UBA6: variants seen among roughly 807,000 people sequenced by gnomAD.
UBA6 encodes the protein ubiquitin like modifier activating enzyme 6.
UBA6 carries 87 observed loss-of-function variants against 148.3 expected under a neutral mutation model. The observed-to-expected ratio is 0.59, with a 90% CI of 0.49 to 0.70. UBA6 has a LOEUF of 0.70. Among genes scored for constraint, UBA6 ranks in the 30% least tolerant of loss-of-function variants. UBA6 has a pLI of 0.00. For missense variants in UBA6, 1,186 were observed against 1,241.2 expected (o/e 0.96, Z 0.67); for synonymous variants, 376 against 401.0 (o/e 0.94, Z 0.75).
chr4:67,669,800 C>A (rs1263149406), intron 8 of UBA6, among the ~76,000 whole-genome samples: 1 of 152,150 alleles, frequency 6.6e-6, no homozygotes, highest in East Asian at 1.9e-4. Flanking sequence ...AGGTGACTTA[C>A]AACATACTTA....
intron 18 of UBA6, among the ~76,000 whole-genome samples, chr4:67,639,664 C>T (rs1333038032): frequency 6.6e-6 from 1 of 152,038 alleles, no homozygotes; most frequent in East Asian, 1.9e-4. Context: ...TCCACAACCC[C>T]CCAAAATGCC....
chr4:67,669,522 A>C (rs188773493), intron 8 of UBA6, among the ~76,000 whole-genome samples: 1 of 152,204 alleles, frequency 6.6e-6, no homozygotes, highest in Non-Finnish European at 1.5e-5. Flanking sequence ...TTGGACTTCA[A>C]TGTAAGTTGA....
intron 11 of UBA6, 186 bp from the exon 12 acceptor site, chr4:67,663,401 A>AT (rs1486958499): frequency 6.4e-6 from 3 of 465,310 alleles, no homozygotes; most frequent in Admixed American, 7.1e-5. Context: ...CCTCAAGGCC[A>AT]TGAAGGTAAA....
chr4:67,626,503 TTAA>T, intron 27 of UBA6, 26 bp from the exon 28 acceptor site: 1 of 1,380,274 alleles, frequency 7.2e-7, no homozygotes, highest in South Asian at 1.3e-5. Flanking sequence ...TATATTTTTA[TTAA>T]TGTTATCATT....
intron 11 of UBA6, chr4:67,663,603 G>T: frequency 2.3e-6 from 1 of 441,162 alleles, no homozygotes; most frequent in East Asian, 3.7e-5. Context: ...GATCATCTTT[G>T]TACAAGTTAT....
Position 67,624,088 on chromosome 4 carries a change from A to C in UBA6, c.2840+38T>G, listed in dbSNP as rs543876835. On this transcript the variant is annotated intron_variant, in intron 30 of 32. Coordinates refer to ENST00000322244, the MANE Select transcript of UBA6 (RefSeq NM_018227.6). Reference sequence around the variant, plus strand: ...TTTAAAAGGTAAAATATTTTATTTCATTCTCATTATACAAGAGAAATAGAC... The same window carrying C: ...TTTAAAAGGTAAAATATTTTATTTCCTTCTCATTATACAAGAGAAATAGAC... 1.2e-5 allele frequency: 18 copies of C among 1,454,320 alleles called. 1 individual carries two copies. The South Asian group carries it at 2.1e-4, about 17-fold the overall frequency. The allele number at this position is 1,454,320 out of a possible 1,614,324, so 90.1% of individuals were successfully genotyped here.
At chr4:67,623,992 T>A (rs1326690241) in intron 30 of UBA6, 134 bp downstream of exon 30, 3 of 655,382 alleles carry the variant, frequency 4.6e-6, no homozygotes, top group African/African-American at 3.8e-5. Flanking sequence ...TTTGAGCTGA[T>A]CTTGAAGTGA....
chr4:67,666,633 T>C (rs1269436489), intron 9 of UBA6, among the ~76,000 whole-genome samples: 1 of 152,138 alleles, frequency 6.6e-6, no homozygotes, highest in Non-Finnish European at 1.5e-5. Flanking sequence ...GCCAACACTT[T>C]GGGCAGCCAA....
At chr4:67,649,813 T>C (rs1729509573) in intron 13 of UBA6, among the ~76,000 whole-genome samples, 1 of 152,172 alleles carries the variant, frequency 6.6e-6, no homozygotes, top group African/African-American at 2.4e-5. Flanking sequence ...AGCAATTTCT[T>C]ATATGTGACA....
Position 67,625,129 on chromosome 4 carries a change from T to C in UBA6, c.2577A>G (p.Ile859Met). The C allele has an allele frequency of 6.2e-7, 1 of 1,613,298 alleles. No homozygotes were observed. Among genetic ancestry groups the C allele is most frequent in the Non-Finnish European group, 8.5e-7 (1 of 1,179,460 alleles). Residue 859 changes from isoleucine (I) to methionine (M), a missense_variant, in exon 29 of 33, where the codon ATA becomes ATG. Coordinates refer to ENST00000322244, the MANE Select transcript of UBA6 (RefSeq NM_018227.6). ...FEKDDDHNGHIDFITAASNLR... is the reference protein window; with the variant it reads ...FEKDDDHNGHMDFITAASNLR... ...GATTTGATGCAGCTGTGATGAAATC[T>C]ATGTGTCCATTATGATCATCATCTT...
intron 13 of UBA6, among the ~76,000 whole-genome samples, chr4:67,658,899 G>C (rs1433940699): frequency 6.6e-6 from 1 of 152,082 alleles, no homozygotes; most frequent in Non-Finnish European, 1.5e-5. Flanking sequence ...TTTGCATTAC[G>C]GAATGGTTTA....
chr4:67,621,100 C>T (rs1728740675), intron 32 of UBA6, among the ~76,000 whole-genome samples: 1 of 152,146 alleles, frequency 6.6e-6, no homozygotes, highest in Admixed American at 6.5e-5. Flanking sequence ...CTCCACTAGT[C>T]AATACACTTT....
chr4:67,678,445 CTCT>C lies in UBA6; in HGVS notation c.344_346del (p.Lys115del). 6.3e-7 allele frequency: 1 copy of C among 1,577,316 alleles called. No individual in the cohort carries two copies. The highest frequency in any genetic ancestry group is 1.2e-5 in the South Asian group (1 of 84,540). ...TACATCAAAATATCTTTACCTGTTTCTCTTATTAACAACATCATCTTCACTGAG... is the reference window on the plus strand; with the variant it reads ...TACATCAAAATATCTTTACCTGTTTCTATTAACAACATCATCTTCACTGAG... On this transcript the variant is annotated inframe_deletion, in exon 5 of 33. Transcript: ENST00000322244.
At chr4:67,696,945 G>A (rs1730854601) in intron 1 of UBA6, among the ~76,000 whole-genome samples, 1 of 152,070 alleles carries the variant, frequency 6.6e-6, no homozygotes, top group Non-Finnish European at 1.5e-5. Context: ...GATCTCAGGT[G>A]TTGTTTTATC....
At chr4:67,697,101 T>C (rs1030312139) in intron 1 of UBA6, among the ~76,000 whole-genome samples, 3 of 152,060 alleles carry the variant, frequency 2.0e-5, no homozygotes, top group Non-Finnish European at 4.4e-5. Flanking sequence ...CACCTCCTGG[T>C]TTCAGACGAT....
At chr4:67,641,962 G>A (rs1435235925) in intron 17 of UBA6, among the ~76,000 whole-genome samples, 1 of 152,052 alleles carries the variant, frequency 6.6e-6, no homozygotes, top group African/African-American at 2.4e-5. Flanking sequence ...GATTTGCCTA[G>A]ATGTAGAATG....
chr4:67,675,638 G>C (rs1730261283), intron 6 of UBA6, among the ~76,000 whole-genome samples: 1 of 152,028 alleles, frequency 6.6e-6, no homozygotes, highest in Admixed American at 6.5e-5. Flanking sequence ...GGCTGAAGTA[G>C]GAGAATCACT....
At chr4:67,655,894 G>A (rs969220266) in intron 13 of UBA6, among the ~76,000 whole-genome samples, 1 of 152,202 alleles carries the variant, frequency 6.6e-6, no homozygotes, top group Non-Finnish European at 1.5e-5. Context: ...ACTACCATCA[G>A]AGAATACTAT....
chr4:67,625,151 T>A lies in UBA6; in HGVS notation c.2555A>T (p.Asp852Val). Residue 852 changes from aspartate to valine, a missense_variant, in exon 29 of 33, where the codon GAT (aspartate) becomes GTT (valine). Transcript: ENST00000322244. ...LQMAVLSFEK[D>V]DDHNGHIDFI... ...ATCTATGTGTCCATTATGATCATCATCTTTTTCAAATGAAAGCACTGCCAT... is the reference window on the plus strand; with the variant it reads ...ATCTATGTGTCCATTATGATCATCAACTTTTTCAAATGAAAGCACTGCCAT... 5 of 1,611,814 alleles carry A rather than the reference T, an allele frequency of 3.1e-6. No homozygotes were observed. Among genetic ancestry groups the A allele is most frequent in the Non-Finnish European group, 4.2e-6 (5 of 1,178,730 alleles).
Sources: allele counts gnomAD v4.1 joint callset (sites outside exome capture counted in the v4.1 genomes callset), GRCh38; gene constraint gnomAD v4.1.1; transcripts MANE v1.5; gene names NCBI Gene and HGNC (gene_info 2026-07-23, HGNC 2026-07-21).